Variants in CCNJL observed in about 807,000 individuals in gnomAD.
The protein encoded by CCNJL is cyclin-J-like protein.
Under a neutral mutation model 33.4 loss-of-function variants are expected in CCNJL, and 33 were observed. The observed-to-expected ratio is 0.99, with a 90% CI of 0.75 to 1.32. CCNJL has a LOEUF of 1.32. Ranked by LOEUF, CCNJL falls within the 40% of genes most tolerant of loss-of-function variation. The pLI is 0.00. For missense variants in CCNJL, 512 were observed against 499.7 expected (o/e 1.02, Z -0.23); for synonymous variants, 227 against 220.9 (o/e 1.03, Z -0.24).
At chr5:160,261,382 C>T (rs765251209) in intron 3 of CCNJL, 2 of 152,266 alleles carry the variant, frequency 1.3e-5, no homozygotes, top group African/African-American at 2.4e-5. Context: ...AGAGGCACTA[C>T]CAGCCCCGCA....
chr5:160,320,848 TC>T (rs1561812543), intron 1 of CCNJL, among the ~76,000 whole-genome samples: 2 of 70,492 alleles, frequency 2.8e-5, no homozygotes, highest in Non-Finnish European at 3.4e-5. Flanking sequence ...TTTCTTTCTT[TC>T]CTTCTTTCTT....
Position 160,272,552 on chromosome 5 carries a change from C to T in CCNJL, c.280+7973G>A, listed in dbSNP as rs796472594. ...ACAGAAGAGAAGCCCCAAGTGGACA[C>T]GGGTGAGGGGCCGGGATGGAGAAGA... On this transcript the variant is annotated intron_variant, in intron 3 of 5. Transcript: ENST00000257536. Among the ~76,000 whole-genome samples, 14 of 152,148 alleles carry T rather than the reference C, an allele frequency of 9.2e-5. No homozygotes were observed. In the South Asian group the frequency reaches 1.0e-3, roughly 11 times the overall value.
At chr5:160,295,703 C>A (rs948145159) in intron 2 of CCNJL, among the ~76,000 whole-genome samples, 2 of 152,080 alleles carry the variant, frequency 1.3e-5, no homozygotes, top group Non-Finnish European at 2.9e-5. Context: ...CAGCTACAAG[C>A]CAAGGAAGAC....
At chr5:160,296,580 C>T (rs760913411) in intron 2 of CCNJL, among the ~76,000 whole-genome samples, 70 of 152,316 alleles carry the variant, frequency 4.6e-4, no homozygotes, top group Non-Finnish European at 8.4e-4. Flanking sequence ...AGGGAGCTGG[C>T]ACTCTCCTCC....
chr5:160,291,057 AAAAAG>A (rs1378835268), intron 2 of CCNJL, among the ~76,000 whole-genome samples: 5 of 149,604 alleles, frequency 3.3e-5, no homozygotes, highest in Non-Finnish European at 7.4e-5. Context: ...AAAAAAAAAA[AAAAAG>A]AAAGAAAGAG....
intron 4 of CCNJL, among the ~76,000 whole-genome samples, chr5:160,257,150 G>A (rs1761101463): frequency 6.6e-6 from 1 of 151,934 alleles, no homozygotes; most frequent in African/African-American, 2.4e-5. Flanking sequence ...AGACGAGCCT[G>A]AGCAACATGG....
chr5:160,257,848 ATT>A (rs759060228), intron 4 of CCNJL, among the ~76,000 whole-genome samples: 15 of 141,076 alleles, frequency 1.1e-4, no homozygotes, highest in African/African-American at 7.8e-5. Flanking sequence ...ACAATCACTG[ATT>A]TTTTTTTTTT....
intron 1 of CCNJL, among the ~76,000 whole-genome samples, chr5:160,321,012 CTCTTTCTTTCTTTCTTTCTT>C (rs59309263): frequency 0.079 from 5,652 of 71,468 alleles, 233 homozygotes; most frequent in Admixed American, 0.11. Flanking sequence ...CTCTCTCTCT[CTCTTTCTTTCTTTCTTTCTT>C]TCTTTCTTTC....
chr5:160,316,532 T>A (rs1763382079), upstream of CCNJL, among the ~76,000 whole-genome samples: 1 of 152,226 alleles, frequency 6.6e-6, no homozygotes, highest in South Asian at 2.1e-4. Flanking sequence ...CTTTTGCTTT[T>A]CATATGATAC....
intron 1 of CCNJL, among the ~76,000 whole-genome samples, chr5:160,324,956 G>T (rs1377139646): frequency 1.3e-5 from 2 of 152,160 alleles, no homozygotes; most frequent in African/African-American, 4.8e-5. Flanking sequence ...CTTTGCAAGG[G>T]TATATGCTTC....
At chr5:160,277,005 C>T (rs188842626) in intron 3 of CCNJL, among the ~76,000 whole-genome samples, 1 of 152,204 alleles carries the variant, frequency 6.6e-6, no homozygotes, top group East Asian at 1.9e-4. Context: ...GTTGGCCAGG[C>T]TGGTCTTGAA....
intron 2 of CCNJL, among the ~76,000 whole-genome samples, chr5:160,283,408 T>C (rs1429849959): frequency 6.6e-6 from 1 of 152,228 alleles, no homozygotes; most frequent in Non-Finnish European, 1.5e-5. Context: ...AAAGCTGTTC[T>C]GTCATTAGAT....
At chr5:160,266,218 G>A (rs1433118453) in intron 3 of CCNJL, among the ~76,000 whole-genome samples, 2 of 152,270 alleles carry the variant, frequency 1.3e-5, no homozygotes, top group African/African-American at 4.8e-5. Context: ...GAAGAGGAAA[G>A]AGAAAGCTCT....
intron 2 of CCNJL, 69 bp downstream of exon 2, chr5:160,311,789 G>A (rs574620895): frequency 1.4e-6 from 2 of 1,463,140 alleles, no homozygotes; most frequent in East Asian, 2.3e-5. Context: ...GGCGACCTGA[G>A]AACACGAAGT....
chr5:160,318,254 T>G (rs1197297288), intron 1 of CCNJL, among the ~76,000 whole-genome samples: 1 of 152,174 alleles, frequency 6.6e-6, no homozygotes, highest in Non-Finnish European at 1.5e-5. Context: ...TGACCTCAGG[T>G]GATCTACCCA....
chr5:160,300,246 G>A (rs1762880709), intron 2 of CCNJL, among the ~76,000 whole-genome samples: 3 of 152,064 alleles, frequency 2.0e-5, no homozygotes, highest in Admixed American at 2.0e-4. Flanking sequence ...CAGTTACCAG[G>A]GGCAGCACAC....
At chr5:160,271,514 C>T (rs1386809166) in intron 3 of CCNJL, among the ~76,000 whole-genome samples, 1 of 152,202 alleles carries the variant, frequency 6.6e-6, no homozygotes, top group Non-Finnish European at 1.5e-5. Context: ...AAATCCCTCC[C>T]CTGAAACAGC....
At chr5:160,257,001 C>T (rs1435688740) in intron 4 of CCNJL, among the ~76,000 whole-genome samples, 1 of 151,874 alleles carries the variant, frequency 6.6e-6, no homozygotes, top group Admixed American at 6.6e-5. Context: ...AGCTAAACAA[C>T]AACAACAAAT....
chr5:160,320,342 T>G (rs1375334227), intron 1 of CCNJL, among the ~76,000 whole-genome samples: 1 of 152,114 alleles, frequency 6.6e-6, no homozygotes, highest in Non-Finnish European at 1.5e-5. Context: ...TTTCTCCTTC[T>G]GTGAAAGGAG....
Sources: gnomAD v4.1 joint callset for allele counts (sites outside exome capture counted in the v4.1 genomes callset) on GRCh38, gnomAD v4.1.1 for gene constraint, MANE v1.5 for transcripts, NCBI Gene and HGNC (gene_info 2026-07-23, HGNC 2026-07-21) for gene names.